STRBP: variants seen among roughly 807,000 people sequenced by gnomAD.
The protein encoded by STRBP is spermatid perinuclear RNA-binding protein.
Under a neutral mutation model 80.1 loss-of-function variants are expected in STRBP, and 13 were observed. The ratio of observed to expected loss-of-function variants is 0.16; its 90% CI spans 0.11 to 0.26. The LOEUF (loss-of-function observed/expected upper bound fraction) is 0.26, where lower values mean the gene tolerates loss of function less well. Among genes scored for constraint, STRBP ranks in the 10% least tolerant of loss-of-function variants. The probability of loss-of-function intolerance (pLI) is 1.00; values close to 1 mark genes in which losing one functional copy is unlikely to be tolerated. For synonymous variants in STRBP, 284 were observed against 291.2 expected, an observed-to-expected ratio of 0.98 and a Z score of 0.25; for missense variants, 485 against 815.2, an observed-to-expected ratio of 0.59 and a Z score of 4.93.
intron 2 of STRBP, among the ~76,000 whole-genome samples, chr9:123,206,030 G>T (rs2039501382): frequency 1.3e-5 from 2 of 152,062 alleles, no homozygotes; most frequent in African/African-American, 4.8e-5. Flanking sequence ...AATAGATTGG[G>T]GTCAAAAGAT....
chr9:123,137,376 A>G (rs551766207), intron 14 of STRBP, among the ~76,000 whole-genome samples: 1 of 152,292 alleles, frequency 6.6e-6, no homozygotes, highest in East Asian at 1.9e-4. Flanking sequence ...ACACAAAATA[A>G]ATGTCCAAAA....
chr9:123,192,908 C>T (rs1021575289), intron 2 of STRBP, among the ~76,000 whole-genome samples: 1 of 152,176 alleles, frequency 6.6e-6, no homozygotes, highest in Non-Finnish European at 1.5e-5. Flanking sequence ...AAGGTCCTAT[C>T]GTCATTCTTG....
chr9:123,148,735 T>C (rs2036928288), intron 11 of STRBP, among the ~76,000 whole-genome samples: 1 of 152,234 alleles, frequency 6.6e-6, no homozygotes, highest in South Asian at 2.1e-4. Context: ...TGTTCTCTCA[T>C]ATCAGAGATT....
At chr9:123,195,583 A>G (rs2132495042) in intron 2 of STRBP, among the ~76,000 whole-genome samples, 1 of 152,318 alleles carries the variant, frequency 6.6e-6, no homozygotes, top group Non-Finnish European at 1.5e-5. Flanking sequence ...TCAAGAAAAT[A>G]ATCCCATTTA....
chr9:123,200,009 T>C (rs1453634121), intron 2 of STRBP, among the ~76,000 whole-genome samples: 1 of 152,222 alleles, frequency 6.6e-6, no homozygotes, highest in African/African-American at 2.4e-5. Context: ...GCGTTAGTCA[T>C]AGACGGCTTT....
intron 2 of STRBP, among the ~76,000 whole-genome samples, chr9:123,197,994 A>G (rs2039167101): frequency 6.6e-6 from 1 of 151,876 alleles, no homozygotes; most frequent in Non-Finnish European, 1.5e-5. Context: ...AATAATGACC[A>G]TTCTTTCAGG....
rs1564250693 is a variant in STRBP, at chr9:123,160,478, T to C, written c.628-16A>G. On this transcript the variant is annotated splice_polypyrimidine_tract_variant and intron_variant, in intron 7 of 18. Coordinates refer to ENST00000348403, the MANE Select transcript of STRBP (RefSeq NM_018387.5). ...TTGCCCTTGCCTAAAACAAACAAAA[T>C]GATTCCAGATATCCCTATTGAGATC... 6.4e-7 allele frequency: 1 copy of C among 1,574,268 alleles called. No homozygotes were observed. The highest frequency in any genetic ancestry group is 1.7e-5 in the Admixed American group (1 of 58,578).
At chr9:123,200,497 T>A (rs1173982607) in intron 2 of STRBP, among the ~76,000 whole-genome samples, 1 of 151,980 alleles carries the variant, frequency 6.6e-6, no homozygotes, top group Non-Finnish European at 1.5e-5. Context: ...TGGTACCAAG[T>A]CTCTGAATGT....
At chr9:123,253,780 T>A (rs1295900491) in intron 1 of STRBP, among the ~76,000 whole-genome samples, 1 of 152,244 alleles carries the variant, frequency 6.6e-6, no homozygotes, top group Non-Finnish European at 1.5e-5. Context: ...TGTTTCTCAC[T>A]GGCAAATCGG....
At position 123,158,122 on chromosome 9, in the gene STRBP, T is replaced by A. The variant is rs759681480; in HGVS notation, c.935A>T (p.His312Leu). 6 of 1,606,528 alleles carry A rather than the reference T, an allele frequency of 3.7e-6. No individual in the cohort carries two copies. The highest frequency in any genetic ancestry group is 5.1e-6 in the Non-Finnish European group (6 of 1,174,424). Reference sequence around the variant, plus strand: ...GCCAAAGGCTGATAGTCTGAGTGCATGCTAAAGAACAAAGTATTATATTTA... The same window carrying A: ...GCCAAAGGCTGATAGTCTGAGTGCAAGCTAAAGAACAAAGTATTATATTTA... The part of the protein sequence containing the change: ...QKEDITHSAQ[H>L]ALRLSAFGQI... The change falls in exon 11 of 19, where the codon CAT becomes CTT. Residue 312 changes from histidine to leucine, a missense_variant and splice_region_variant. Transcript: ENST00000348403.
chr9:123,161,083 G>A lies in STRBP; in HGVS notation c.536-15C>T. ...CGAAACATTTTCTAACAGTAAAATG[G>A]GATAAAGAGAGACAAATACAATTTG... On this transcript the variant is annotated splice_polypyrimidine_tract_variant and intron_variant, in intron 6 of 18. Transcript: ENST00000348403. 3 of 1,559,064 alleles carry A rather than the reference G, an allele frequency of 1.9e-6. No homozygotes were observed. The highest frequency in any genetic ancestry group is 1.2e-5 in the South Asian group (1 of 85,540).
At chr9:123,241,150 G>A (rs2040685480) in intron 1 of STRBP, among the ~76,000 whole-genome samples, 1 of 146,048 alleles carries the variant, frequency 6.8e-6, no homozygotes, top group Non-Finnish European at 1.5e-5. Context: ...TGGTACTCCA[G>A]CCTGGGCAAC....
chr9:123,219,792 G>A (rs945270904), intron 2 of STRBP, among the ~76,000 whole-genome samples: 1 of 152,192 alleles, frequency 6.6e-6, no homozygotes, highest in Non-Finnish European at 1.5e-5. Context: ...AATAAAACCT[G>A]TATTTCACAG....
At chr9:123,184,875 G>T (rs2038632680) in intron 2 of STRBP, among the ~76,000 whole-genome samples, 1 of 152,022 alleles carries the variant, frequency 6.6e-6, no homozygotes, top group Non-Finnish European at 1.5e-5. Flanking sequence ...TGTATGCACT[G>T]CTATGCCAGA....
intron 1 of STRBP, among the ~76,000 whole-genome samples, chr9:123,260,094 C>T (rs554913197): frequency 2.0e-5 from 3 of 152,098 alleles, no homozygotes; most frequent in Admixed American, 6.5e-5. Flanking sequence ...CTAAAAAAGG[C>T]ACTGTGGTCA....
intron 1 of STRBP, among the ~76,000 whole-genome samples, chr9:123,253,946 G>C (rs2040968607): frequency 6.6e-6 from 1 of 152,146 alleles, no homozygotes; most frequent in African/African-American, 2.4e-5. Flanking sequence ...AAATGTTTTG[G>C]AACTACATAA....
chr9:123,151,400 T>C (rs1050860332), intron 11 of STRBP, among the ~76,000 whole-genome samples: 1 of 152,116 alleles, frequency 6.6e-6, no homozygotes, highest in Non-Finnish European at 1.5e-5. Context: ...CTGCAGAATA[T>C]ACATTTTCAG....
At chr9:123,237,198 G>A (rs1015918665) in intron 1 of STRBP, among the ~76,000 whole-genome samples, 23 of 152,188 alleles carry the variant, frequency 1.5e-4, no homozygotes, top group African/African-American at 5.6e-4. Flanking sequence ...AACCACAGCA[G>A]TGAGCTATTC....
intron 2 of STRBP, among the ~76,000 whole-genome samples, chr9:123,207,279 G>A (rs2039551254): frequency 6.6e-6 from 1 of 152,036 alleles, no homozygotes; most frequent in Non-Finnish European, 1.5e-5. Flanking sequence ...ACAAAATACT[G>A]GCAATCTAAA....
Sources: gnomAD v4.1 joint callset for allele counts (sites outside exome capture counted in the v4.1 genomes callset) on GRCh38, gnomAD v4.1.1 for gene constraint, MANE v1.5 for transcripts, NCBI Gene and HGNC (gene_info 2026-07-23, HGNC 2026-07-21) for gene names.